The following SEPTIN7 variants were observed in gnomAD, a reference collection of about 807,000 sequenced individuals.
SEPTIN7 encodes the protein septin-7.
In SEPTIN7, 10 loss-of-function variants were observed where a neutral mutation model predicts 63.3. That is an observed-to-expected ratio of 0.16 (90% CI 0.10 to 0.27). SEPTIN7 has a LOEUF of 0.27. SEPTIN7 is among the 10% of genes least tolerant of loss of function. The pLI, the probability that SEPTIN7 is intolerant of heterozygous loss-of-function variation, is 1.00. For synonymous variants in SEPTIN7, 131 were observed against 165.3 expected, an observed-to-expected ratio of 0.79 and a Z score of 1.59; for missense variants, 310 against 521.0, an observed-to-expected ratio of 0.59 and a Z score of 3.94.
chr7:35,888,373 A>T (rs1302161698), intron 10 of SEPTIN7, among the ~76,000 whole-genome samples: 2 of 152,202 alleles, frequency 1.3e-5, no homozygotes, highest in Admixed American at 6.5e-5. Flanking sequence ...TTCATTATCT[A>T]AAATATTAGA....
intron 11 of SEPTIN7, among the ~76,000 whole-genome samples, chr7:35,892,238 G>C (rs1481072417): frequency 6.6e-6 from 1 of 152,108 alleles, no homozygotes; most frequent in Non-Finnish European, 1.5e-5. Flanking sequence ...TGGTTAACAT[G>C]CCTTATAATG....
chr7:35,856,746 A>G (rs1350160017), intron 3 of SEPTIN7, among the ~76,000 whole-genome samples: 1 of 152,162 alleles, frequency 6.6e-6, no homozygotes, highest in Admixed American at 6.5e-5. Context: ...TATGAGCCTC[A>G]AGGTGGGGAG....
chr7:35,852,460 C>G (rs1008751588), intron 3 of SEPTIN7, among the ~76,000 whole-genome samples: 7 of 151,298 alleles, frequency 4.6e-5, no homozygotes, highest in African/African-American at 1.7e-4. Context: ...CTTAAGGAAA[C>G]ACAGAAAAAT....
Position 35,904,240 on chromosome 7 carries a change from CT to C in SEPTIN7, c.1275-10del. ...ATGGTTACTCATCTTGCTTATTTTC[CT>C]TTTATCCTTTAGAACCTTGGAAAAG... On this transcript the variant is annotated splice_polypyrimidine_tract_variant and intron_variant, in intron 13 of 13. Coordinates refer to ENST00000350320, the MANE Select transcript of SEPTIN7 (RefSeq NM_001788.6). 1 of 1,530,656 alleles carries C rather than the reference CT, an allele frequency of 6.5e-7. No individual in the cohort carries two copies. Among genetic ancestry groups the C allele is most frequent in the South Asian group, 1.3e-5 (1 of 78,386 alleles). The allele number at this position is 1,530,656 out of a possible 1,614,324, so 94.8% of individuals were successfully genotyped here.
intron 1 of SEPTIN7, among the ~76,000 whole-genome samples, chr7:35,822,161 C>T (rs1166196513): frequency 1.3e-5 from 2 of 152,140 alleles, no homozygotes; most frequent in African/African-American, 4.8e-5. Flanking sequence ...CTCACTGCAT[C>T]CTCTGCCTCC....
At chr7:35,865,495 A>T (rs1197724480) in intron 4 of SEPTIN7, among the ~76,000 whole-genome samples, 1 of 151,650 alleles carries the variant, frequency 6.6e-6, no homozygotes, top group Non-Finnish European at 1.5e-5. Context: ...ATGCTACTCC[A>T]TTGTGTGAAT....
At chr7:35,867,070 G>A (rs1208140254) in intron 4 of SEPTIN7, among the ~76,000 whole-genome samples, 24 of 152,152 alleles carry the variant, frequency 1.6e-4, no homozygotes, top group Admixed American at 1.6e-3. Context: ...CAGGGTGAAA[G>A]GAGGAGAGGG....
At chr7:35,907,610 G>A (rs147684348), downstream of SEPTIN7, among the ~76,000 whole-genome samples, 148 of 152,196 alleles carry the variant, frequency 9.7e-4, no homozygotes, top group Non-Finnish European at 1.5e-3. Context: ...TTACACCAGG[G>A]CCTGTGCTTA....
chr7:35,803,888 T>C (rs1009856580), intron 1 of SEPTIN7, among the ~76,000 whole-genome samples: 4 of 152,244 alleles, frequency 2.6e-5, no homozygotes, highest in African/African-American at 9.6e-5. Flanking sequence ...CATTGAACTC[T>C]ACAGCAGTGT....
chr7:35,901,910 T>C (rs1268049081), intron 12 of SEPTIN7: 2 of 152,116 alleles, frequency 1.3e-5, no homozygotes, highest in Non-Finnish European at 2.9e-5. Flanking sequence ...ATTTGATTCA[T>C]GTTTGCTTAA....
chr7:35,903,040 A>C, intron 12 of SEPTIN7, 36 bp from the exon 13 acceptor site: 1 of 1,520,546 alleles, frequency 6.6e-7, no homozygotes, highest in Non-Finnish European at 8.8e-7. Flanking sequence ...CTGATTTCTT[A>C]AATAGTTTTG....
intron 3 of SEPTIN7, among the ~76,000 whole-genome samples, chr7:35,863,219 C>T (rs770059785): frequency 3.4e-5 from 5 of 146,094 alleles, no homozygotes; most frequent in East Asian, 2.0e-4. Flanking sequence ...ACTCAAGCAG[C>T]GACATATAAT....
intron 1 of SEPTIN7, among the ~76,000 whole-genome samples, chr7:35,814,758 G>A (rs1788941049): frequency 6.6e-6 from 1 of 151,920 alleles, no homozygotes; most frequent in Non-Finnish European, 1.5e-5. Flanking sequence ...GGTGGATCAC[G>A]AGGTCAGGAG....
At chr7:35,902,898 G>A (rs1788406013) in intron 12 of SEPTIN7, 178 bp from the exon 13 acceptor site, 1 of 904,944 alleles carries the variant, frequency 1.1e-6, no homozygotes, top group Non-Finnish European at 1.5e-6. Context: ...CCTTTTGGGT[G>A]GCAGGTCCTA....
At chr7:35,807,689 G>C (rs1047769380) in intron 1 of SEPTIN7, among the ~76,000 whole-genome samples, 4 of 151,998 alleles carry the variant, frequency 2.6e-5, no homozygotes, top group Admixed American at 2.0e-4. Context: ...GTAGAGACAG[G>C]GTTTCTCCAC....
At chr7:35,851,313 CA>C (rs1240501910) in intron 3 of SEPTIN7, among the ~76,000 whole-genome samples, 1 of 151,616 alleles carries the variant, frequency 6.6e-6, no homozygotes, top group Non-Finnish European at 1.5e-5. Flanking sequence ...TTAATAAGGA[CA>C]AAAAAATTTA....
chr7:35,809,724 A>G (rs940466979), intron 1 of SEPTIN7, among the ~76,000 whole-genome samples: 1 of 152,220 alleles, frequency 6.6e-6, no homozygotes, highest in Non-Finnish European at 1.5e-5. Flanking sequence ...ATGAGGTTAG[A>G]AGAGGTAAGT....
At chr7:35,837,786 C>T (rs896475311) in intron 3 of SEPTIN7, among the ~76,000 whole-genome samples, 2 of 151,854 alleles carry the variant, frequency 1.3e-5, no homozygotes, top group Non-Finnish European at 2.9e-5. Flanking sequence ...GGCTGGAGTG[C>T]AGTGGTGCAG....
rs148615497 is a variant in SEPTIN7 at position 35,884,478 on chromosome 7, T to A, written c.820+491T>A. Among the ~76,000 whole-genome samples, 5 of 152,282 alleles carry A rather than the reference T, an allele frequency of 3.3e-5. No homozygotes were observed. The East Asian group carries it at 9.6e-4, about 29-fold the overall frequency. On this transcript the variant is annotated intron_variant, in intron 9 of 13. Coordinates refer to ENST00000350320, the MANE Select transcript of SEPTIN7 (RefSeq NM_001788.6). ...CCCTGGCTGGCATCCTGCCTCATCA[T>A]TAAGTCTATTTCTGTTTTCATATTT...
Sources: gnomAD v4.1 joint callset for allele counts (sites outside exome capture counted in the v4.1 genomes callset) on GRCh38, gnomAD v4.1.1 for gene constraint, MANE v1.5 for transcripts, NCBI Gene and HGNC (gene_info 2026-07-23, HGNC 2026-07-21) for gene names.